The following ATP12A variants were observed in gnomAD, a reference collection of about 807,000 sequenced individuals.
The protein encoded by ATP12A is potassium-transporting ATPase alpha chain 2.
A neutral mutation model predicts 111.2 loss-of-function variants in ATP12A; 81 were observed. The ratio of observed to expected loss-of-function variants is 0.73; its 90% confidence interval spans 0.61 to 0.88. ATP12A has a LOEUF of 0.88. ATP12A is among the 40% of genes least tolerant of loss of function. ATP12A has a pLI of 0.00. For synonymous variants in ATP12A, 498 were observed against 499.8 expected, an observed-to-expected ratio of 1.00 and a Z score of 0.05; for missense variants, 1,196 against 1,313.1, an observed-to-expected ratio of 0.91 and a Z score of 1.38.
intron 12 of ATP12A, among the ~76,000 whole-genome samples, chr13:24,700,364 G>A (rs1307973970): frequency 6.6e-6 from 1 of 151,956 alleles, no homozygotes; most frequent in Non-Finnish European, 1.5e-5. Flanking sequence ...CCTCACATGT[G>A]ACCTCCTTGG....
intron 5 of ATP12A, 148 bp downstream of exon 5, chr13:24,689,523 C>T: frequency 1.5e-6 from 1 of 677,020 alleles, no homozygotes; most frequent in Non-Finnish European, 2.5e-6. Context: ...TCTGTCAGAA[C>T]CCCAGTTCCT....
chr13:24,700,157 C>G (rs77972896), intron 12 of ATP12A, among the ~76,000 whole-genome samples: 3,345 of 152,270 alleles, frequency 0.022, 132 homozygotes, highest in African/African-American at 0.076. Context: ...GAGGCTGATG[C>G]CTTCTGAGAA....
intron 8 of ATP12A, among the ~76,000 whole-genome samples, 189 bp from the exon 9 acceptor site, chr13:24,692,240 G>T (rs1436499471): frequency 1.3e-5 from 2 of 151,850 alleles, no homozygotes; most frequent in African/African-American, 4.8e-5. Flanking sequence ...AAGGATTGTG[G>T]CATAGAGGGC....
intron 18 of ATP12A, 74 bp from the exon 19 acceptor site, chr13:24,709,609 C>A (rs1875871728): frequency 1.9e-6 from 3 of 1,595,864 alleles, no homozygotes; most frequent in Admixed American, 1.7e-5. Context: ...GGAGGGGGAA[C>A]CGAGAGTAGA....
chr13:24,704,667 T>G, intron 14 of ATP12A: 1 of 205,746 alleles, frequency 4.9e-6, no homozygotes, highest in Non-Finnish European at 1.0e-5. Context: ...CTCCAGAATG[T>G]GCTTCTGTCT....
intron 1 of ATP12A, 149 bp downstream of exon 1, chr13:24,680,901 C>A: frequency 7.6e-7 from 1 of 1,307,336 alleles, no homozygotes; most frequent in Non-Finnish European, 9.8e-7. Flanking sequence ...TCTGAGCGCC[C>A]CCCGGCCTGG....
rs1316319925 is a variant in ATP12A at position 24,685,106 on chromosome 13, G to A, written c.169-208G>A. On this transcript the variant is annotated intron_variant, in intron 2 of 22. Coordinates refer to ENST00000381946, the MANE Select transcript of ATP12A (RefSeq NM_001676.7). The surrounding 1 kb of genome is among the most constrained non-coding windows in gnomAD (Gnocchi z 5.5). ...GTAACAGCAAGTGCAGGATTGTGCC[G>A]ACTCAGGGACAGTCACTCCTGAGGC... Among the ~76,000 whole-genome samples the A allele has an allele frequency of 6.6e-6, 1 of 152,172 alleles. No individual in the cohort carries two copies. The highest frequency in any genetic ancestry group is 2.4e-5 in the African/African-American group (1 of 41,436).
rs985109877 is a variant in ATP12A, at chr13:24,680,634, C to T, written c.-110C>T. The T allele has an allele frequency of 1.8e-5, 24 of 1,333,434 alleles. No individual in the cohort carries two copies. The highest frequency in any genetic ancestry group is 2.5e-4 in the Middle Eastern group (1 of 3,952). The allele number at this position is 1,333,434 out of a possible 1,614,324, so 82.6% of individuals were successfully genotyped here. On this transcript the variant is annotated 5_prime_UTR_variant, in exon 1 of 23. Coordinates refer to ENST00000381946, the MANE Select transcript of ATP12A (RefSeq NM_001676.7). ...CCGCCGGTATCTCCACCGCCAACACCTCAGCCACTGCCACTGCCACAGCCA... is the reference window on the plus strand; with the variant it reads ...CCGCCGGTATCTCCACCGCCAACACTTCAGCCACTGCCACTGCCACAGCCA...
intron 14 of ATP12A, chr13:24,704,747 A>G (rs1204784102): frequency 4.5e-6 from 1 of 221,660 alleles, no homozygotes; most frequent in Non-Finnish European, 9.2e-6. Context: ...AATGACTTTT[A>G]TGATTCTTGC....
chr13:24,686,516 G>A (rs905448276), intron 3 of ATP12A, among the ~76,000 whole-genome samples: 14 of 151,774 alleles, frequency 9.2e-5, no homozygotes, highest in Admixed American at 3.9e-4. Context: ...CAAGACGGGC[G>A]GATCACGAGG....
At position 24,707,449 on chromosome 13, in the gene ATP12A, G is replaced by T; in HGVS notation, c.2493+16G>T. ...GACAGACATTGTAAGTGACACTGAAGGGAACAGGCTGTGATGCCTGCCCCA... is the reference window on the plus strand; with the variant it reads ...GACAGACATTGTAAGTGACACTGAATGGAACAGGCTGTGATGCCTGCCCCA... On this transcript the variant is annotated intron_variant, in intron 17 of 22. Coordinates refer to ENST00000381946, the MANE Select transcript of ATP12A (RefSeq NM_001676.7). The T allele has an allele frequency of 6.2e-7, 1 of 1,614,116 alleles. No homozygotes were observed. Among genetic ancestry groups the T allele is most frequent in the South Asian group, 1.1e-5 (1 of 91,066 alleles).
intron 13 of ATP12A, 94 bp downstream of exon 13, chr13:24,701,016 T>A: frequency 3.7e-6 from 5 of 1,333,942 alleles, no homozygotes; most frequent in Non-Finnish European, 5.1e-6. Flanking sequence ...TATTTAGGTG[T>A]CTTCAAGTAA....
intron 20 of ATP12A, 63 bp from the exon 21 acceptor site, chr13:24,710,729 G>A (rs1463994081): frequency 6.2e-7 from 1 of 1,600,204 alleles, no homozygotes; most frequent in East Asian, 2.2e-5. Flanking sequence ...GGCATGGTCT[G>A]CTGGGTGTAT....
chr13:24,699,828 C>T (rs978239246), intron 12 of ATP12A, among the ~76,000 whole-genome samples: 4 of 152,188 alleles, frequency 2.6e-5, no homozygotes, highest in Non-Finnish European at 5.9e-5. Context: ...GTATGGTTGA[C>T]GATCCGGCTC....
Position 24,685,185 on chromosome 13 carries a change from C to A in ATP12A, c.169-129C>A. 1.2e-6 allele frequency: 1 copy of A among 816,424 alleles called. No homozygotes were observed. The highest frequency in any genetic ancestry group is 1.5e-5 in the South Asian group (1 of 65,002). 50.6% of individuals were successfully genotyped at this position (816,424 alleles called of 1,614,324 possible). A position where few individuals can be genotyped will look rare whatever the true frequency, so the allele number is the denominator to read the frequency against. On this transcript the variant is annotated intron_variant, in intron 2 of 22. Coordinates refer to ENST00000381946, the MANE Select transcript of ATP12A (RefSeq NM_001676.7). The surrounding 1 kb of genome is among the most constrained non-coding windows in gnomAD (Gnocchi z 5.5). ...GGCACAGGGGTTCTTTCTCTCCTGT[C>A]CCCCACACTCCTCGATCCCCTCCCA...
At chr13:24,694,716 C>T in intron 11 of ATP12A, 138 bp downstream of exon 11, 1 of 1,317,532 alleles carries the variant, frequency 7.6e-7, no homozygotes, top group Non-Finnish European at 1.0e-6. Context: ...ACCCAGGCAT[C>T]TGGTCCCCTA....
chr13:24,704,843 C>T (rs1403358804), intron 14 of ATP12A: 1 of 155,184 alleles, frequency 6.4e-6, no homozygotes, highest in Non-Finnish European at 1.4e-5. Flanking sequence ...GTGGATTACA[C>T]ATTTGTATAC....
Position 24,710,471 on chromosome 13 carries a change from G to C in ATP12A, c.2775G>C (p.Gln925His). The C allele has an allele frequency of 1.2e-6, 2 of 1,614,166 alleles. No homozygotes were observed. The highest frequency in any genetic ancestry group is 1.7e-6 in the Non-Finnish European group (2 of 1,180,038). ...DSYGQEWTRY[Q>H]REYLEWTGYT... Reference sequence around the variant, plus strand: ...CTGCCCATTAACAGACAAGGTACCAGAGGGAATACCTAGAATGGACGGGCT... The same window carrying C: ...CTGCCCATTAACAGACAAGGTACCACAGGGAATACCTAGAATGGACGGGCT... Residue 925 changes from glutamine (Q) to histidine (H), a missense_variant, in exon 20 of 23, where the codon CAG becomes CAC. Coordinates refer to ENST00000381946, the MANE Select transcript of ATP12A (RefSeq NM_001676.7).
chr13:24,681,030 C>T (rs976835485), intron 1 of ATP12A, among the ~76,000 whole-genome samples: 8 of 152,206 alleles, frequency 5.3e-5, no homozygotes, highest in African/African-American at 1.9e-4. Context: ...TCCATGGCAC[C>T]TGCGGGCTCC....
Sources: gnomAD v4.1 joint callset for allele counts (sites outside exome capture counted in the v4.1 genomes callset) on GRCh38, gnomAD v4.1.1 for gene constraint, Gnocchi (gnomAD v3.1) non-coding constraint, MANE v1.5 for transcripts, NCBI Gene and HGNC (gene_info 2026-07-23, HGNC 2026-07-21) for gene names.